CD101: variants seen among roughly 807,000 people sequenced by gnomAD.
CD101 encodes immunoglobulin superfamily member 2.
A neutral mutation model predicts 98.2 loss-of-function variants in CD101; 76 were observed. That is an observed-to-expected ratio of 0.77 (90% confidence interval 0.64 to 0.94). The LOEUF is 0.94. Ranked by LOEUF, CD101 falls within the 40% of genes least tolerant of loss-of-function variation. CD101 has a pLI of 0.00. For synonymous variants in CD101, 471 were observed against 472.7 expected (o/e 1.00, Z 0.05); for missense variants, 1,145 against 1,218.8 (o/e 0.94, Z 0.90).
rs566822524 is a variant in CD101, at chr1:117,033,622, C to T, written c.2825-238C>T. Among the ~76,000 whole-genome samples, 5 of 152,178 alleles carry T rather than the reference C, an allele frequency of 3.3e-5. No individual in the cohort carries two copies. In the South Asian group the frequency reaches 1.0e-3, roughly 32 times the overall value. On this transcript the variant is annotated intron_variant, in intron 8 of 9. Coordinates refer to ENST00000682167, the MANE Select transcript of CD101 (RefSeq NM_001256106.3). This position sits in a 1 kb window ranked among gnomAD's most constrained non-coding sequence, Gnocchi z 4.8. ...GTTAGTTTTAAGTAGGTCATTGGAACCTCCAGTGGTTGGAAATCGCAGGGC... is the reference window on the plus strand; with the variant it reads ...GTTAGTTTTAAGTAGGTCATTGGAATCTCCAGTGGTTGGAAATCGCAGGGC...
chr1:117,025,995 TCTGAAGACAATTTTCAGA>T lies in CD101; in HGVS notation c.2824+109_2824+126del. 3.6e-6 allele frequency: 5 copies of T among 1,383,416 alleles called. No individual in the cohort carries two copies. The South Asian group carries it at 4.5e-5, about 13-fold the overall frequency. 85.7% of individuals were successfully genotyped at this position (1,383,416 alleles called of 1,614,324 possible). A position where few individuals can be genotyped will look rare whatever the true frequency, so the allele number is the denominator to read the frequency against. ...TCCCTCTCACCTATCTTTTGCTCCT[TCTGAAGACAATTTTCAGA>T]CTGAAGACAATTTTCAGGTTCCCTA... On this transcript the variant is annotated intron_variant, in intron 8 of 9. Coordinates refer to ENST00000682167, the MANE Select transcript of CD101 (RefSeq NM_001256106.3).
At chr1:117,024,834 A>G (rs905272521) in intron 7 of CD101, among the ~76,000 whole-genome samples, 1 of 152,182 alleles carries the variant, frequency 6.6e-6, no homozygotes, top group Non-Finnish European at 1.5e-5. Context: ...CTGGTGGAAT[A>G]CATGGCTTGA....
At chr1:117,009,708 T>A (rs1557765212) in intron 1 of CD101, 142 bp from the exon 2 acceptor site, 3 of 777,306 alleles carry the variant, frequency 3.9e-6, no homozygotes, top group East Asian at 2.6e-5. Context: ...CTGAAGAAGA[T>A]GTTGAACATT....
chr1:117,030,379 AAAACAAACAAAC>A (rs3835638), intron 8 of CD101, among the ~76,000 whole-genome samples: 6 of 150,238 alleles, frequency 4.0e-5, no homozygotes, highest in African/African-American at 9.9e-5. Context: ...AGACACTGTC[AAAACAAACAAAC>A]AAACAAACAA....
At chr1:117,014,106 A>G (rs540463084) in intron 4 of CD101, among the ~76,000 whole-genome samples, 12 of 151,524 alleles carry the variant, frequency 7.9e-5, no homozygotes, top group Non-Finnish European at 1.8e-4. Flanking sequence ...CTTAGAGTCT[A>G]TTTATTTTTT....
Position 117,033,732 on chromosome 1 carries a change from C to T in CD101, c.2825-128C>T. On this transcript the variant is annotated intron_variant, in intron 8 of 9. Coordinates refer to ENST00000682167, the MANE Select transcript of CD101 (RefSeq NM_001256106.3). The surrounding 1 kb of genome is among the most constrained non-coding windows in gnomAD (Gnocchi z 4.8). ...CTGTGCTCCTCATGATTTCAGGGGC[C>T]CACTGCTATTTGGCCCCATTATTTT... The T allele has an allele frequency of 8.3e-7, 1 of 1,211,828 alleles. No homozygotes were observed. The highest frequency in any genetic ancestry group is 1.2e-6 in the Non-Finnish European group (1 of 865,394). 75.1% of individuals were successfully genotyped at this position (1,211,828 alleles called of 1,614,324 possible).
rs369383894 is a variant in CD101, at chr1:117,010,157, C to A, written c.351C>A (p.Gly117=). ...CAAAACTCCAGATGAAGGATGCTGG[C>A]GAGTATGAGTGTCACACACCAAACA... ...HISKLQMKDA[G]EYECHTPNTD... Residue 117 remains glycine (G), a synonymous_variant, in exon 2 of 10, where the codon GGC becomes GGA. Transcript: ENST00000682167. The surrounding 1 kb of genome is among the most constrained non-coding windows in gnomAD (Gnocchi z 5.2). 2 of 1,614,098 alleles carry A rather than the reference C, an allele frequency of 1.2e-6. No homozygotes were observed. The highest frequency in any genetic ancestry group is 2.2e-5 in the East Asian group (1 of 44,882).
chr1:117,029,255 AAG>A (rs771166440), intron 8 of CD101, among the ~76,000 whole-genome samples: 1 of 140,026 alleles, frequency 7.1e-6, no homozygotes, highest in Non-Finnish European at 1.5e-5. Flanking sequence ...GAAAGAAAGA[AAG>A]AAAGAAAGAA....
chr1:117,017,610 CCTCT>C (rs1653319483), intron 5 of CD101, 137 bp downstream of exon 5: 2 of 800,772 alleles, frequency 2.5e-6, no homozygotes, highest in Non-Finnish European at 3.9e-6. Context: ...CTCTGGCTAC[CCTCT>C]CTGTCAATTA....
chr1:117,023,647 C>T lies in CD101; in HGVS notation c.2428+1664C>T, dbSNP rs1385101919. On this transcript the variant is annotated intron_variant, in intron 7 of 9. Coordinates refer to ENST00000682167, the MANE Select transcript of CD101 (RefSeq NM_001256106.3). The surrounding 1 kb of genome is among the most constrained non-coding windows in gnomAD (Gnocchi z 4.4). The stretch of plus-strand genomic sequence containing the variant: ...GCTCAGGCTGGTCTTGAACTCCTGA[C>T]CTCAGGTGATCCACCTGCCTTGGCC... Among the ~76,000 whole-genome samples the T allele has an allele frequency of 6.6e-6, 1 of 152,084 alleles. No individual in the cohort carries two copies. The highest frequency in any genetic ancestry group is 2.4e-5 in the African/African-American group (1 of 41,402).
intron 9 of CD101, among the ~76,000 whole-genome samples, chr1:117,034,929 T>C (rs1654714510): frequency 6.6e-6 from 1 of 152,184 alleles, no homozygotes; most frequent in Non-Finnish European, 1.5e-5. Context: ...CTTATTTTCT[T>C]TGACCTGACA....
At position 117,011,697 on chromosome 1, in the gene CD101, G is replaced by T; in HGVS notation, c.572G>T (p.Gly191Val). Residue 191 changes from glycine (G) to valine (V), a missense_variant, in exon 3 of 10, where the codon GGA (glycine) becomes GTA (valine). Transcript: ENST00000682167. ...SVTWYLTQDGGGSQATEIISL... is the reference protein window; with the variant it reads ...SVTWYLTQDGVGSQATEIISL... ...ACCTGGTACCTAACACAGGATGGAG[G>T]AGGAAGCCAAGCCACTGAGATTATT... 6.2e-7 allele frequency: 1 copy of T among 1,614,142 alleles called. No homozygotes were observed. The highest frequency in any genetic ancestry group is 8.5e-7 in the Non-Finnish European group (1 of 1,180,020).
At chr1:117,030,332 G>A (rs1654366577) in intron 8 of CD101, among the ~76,000 whole-genome samples, 2 of 151,922 alleles carry the variant, frequency 1.3e-5, no homozygotes, top group South Asian at 4.2e-4. Context: ...AGTAAGCCAT[G>A]ATCATGCCAC....
chr1:117,031,981 G>T lies in CD101; in HGVS notation c.2825-1879G>T, dbSNP rs530535808. 2.0e-5 allele frequency: 3 copies of T among 152,206 alleles called. 1 individual carries two copies. The South Asian group carries it at 6.2e-4, about 32-fold the overall frequency. The allele number at this position is 152,206 out of a possible 1,614,324, so 9.4% of individuals were successfully genotyped here. ...CAGTCTATGCTTCCTTCTAGCCACG[G>T]GCCTTCAAATGTACTCAGATAAGAC... On this transcript the variant is annotated intron_variant, in intron 8 of 9. Coordinates refer to ENST00000682167, the MANE Select transcript of CD101 (RefSeq NM_001256106.3).
rs1411830154 is a variant in CD101, at chr1:117,033,963, C to A, written c.2928C>A (p.Cys976Ter). ...LLLLLLISLL[C>*]LYWKARKLST... ...TCCTTCTGCTCATCTCCCTCCTCTGCTTATACTGGAAGGCCAGGAAGTTGT... is the reference window on the plus strand; with the variant it reads ...TCCTTCTGCTCATCTCCCTCCTCTGATTATACTGGAAGGCCAGGAAGTTGT... The change falls in exon 9 of 10, where the codon TGC (cysteine) becomes TGA (stop). Residue 976 changes from cysteine to a stop codon, truncating the protein, a stop_gained. Transcript: ENST00000682167. LOFTEE classifies it high-confidence loss of function. This position sits in a 1 kb window ranked among gnomAD's most constrained non-coding sequence, Gnocchi z 4.8. 1 of 1,614,164 alleles carries A rather than the reference C, an allele frequency of 6.2e-7. No individual in the cohort carries two copies. Among genetic ancestry groups the A allele is most frequent in the South Asian group, 1.1e-5 (1 of 91,088 alleles).
intron 8 of CD101, chr1:117,032,127 A>G (rs1028820984): frequency 6.6e-6 from 1 of 152,252 alleles, no homozygotes; most frequent in African/African-American, 2.4e-5. Flanking sequence ...TTCAAAAAAC[A>G]AAACTAAATT....
rs181098232 is a variant in CD101 at position 117,016,243 on chromosome 1, G to A, written c.1229-847G>A. Among the ~76,000 whole-genome samples the A allele has an allele frequency of 6.8e-4, 101 of 148,124 alleles. 1 individual carries two copies. Among genetic ancestry groups the A allele is most frequent in the Admixed American group, 1.6e-3 (24 of 14,826 alleles). On this transcript the variant is annotated intron_variant, in intron 4 of 9. Coordinates refer to ENST00000682167, the MANE Select transcript of CD101 (RefSeq NM_001256106.3). ...ATAAAATGTATATGTATATATACAC[G>A]TATTTTCCCGCCAAGTAATTGTTTT...
In CD101 at chr1:117,018,142, AT is replaced by A; in HGVS notation, c.1613-9del. ...GTAAATATATTAGAAATTCTGTTTC[AT>A]TTTTCTGTCTAGAGTCAAGTTTACA... is the stretch of plus-strand genomic sequence containing the variant. On this transcript the variant is annotated splice_polypyrimidine_tract_variant and intron_variant, in intron 5 of 9. Transcript: ENST00000682167. The surrounding 1 kb of genome is among the most constrained non-coding windows in gnomAD (Gnocchi z 4.3). The A allele has an allele frequency of 6.5e-7, 1 of 1,548,922 alleles. No homozygotes were observed. The highest frequency in any genetic ancestry group is 8.7e-7 in the Non-Finnish European group (1 of 1,150,002).
rs1367463119 is a variant in CD101, at chr1:117,022,401, T to C, written c.2428+418T>C. 6.6e-6 allele frequency among the ~76,000 whole-genome samples: 1 copy of C among 152,230 alleles called. No individual in the cohort carries two copies. The highest frequency in any genetic ancestry group is 2.4e-5 in the African/African-American group (1 of 41,456). ...AACTGTACAACTCTATGGGGATGTG[T>C]GGAGAAATTGCTTCTCAACATTTAG... On this transcript the variant is annotated intron_variant, in intron 7 of 9. Coordinates refer to ENST00000682167, the MANE Select transcript of CD101 (RefSeq NM_001256106.3). The surrounding 1 kb of genome is among the most constrained non-coding windows in gnomAD (Gnocchi z 4.8).
Sources: gnomAD v4.1 joint callset for allele counts (sites outside exome capture counted in the v4.1 genomes callset) on GRCh38, gnomAD v4.1.1 for gene constraint, Gnocchi (gnomAD v3.1) non-coding constraint, MANE v1.5 for transcripts, NCBI Gene and HGNC (gene_info 2026-07-23, HGNC 2026-07-21) for gene names.